Variants in NRXN1 observed in about 807,000 individuals in gnomAD.
NRXN1 encodes the protein neurexin 1.
Under a neutral mutation model 150.9 loss-of-function variants are expected in NRXN1, and 39 were observed. The ratio of observed to expected loss-of-function variants is 0.26; its 90% CI spans 0.20 to 0.34. The LOEUF is 0.34. NRXN1 is among the 10% of genes least tolerant of loss of function. The pLI, the probability that NRXN1 is intolerant of heterozygous loss-of-function variation, is 1.00. For synonymous variants in NRXN1, 924 were observed against 757.0 expected, an observed-to-expected ratio of 1.22 and a Z score of -3.62; for missense variants, 1,815 against 1,949.9, an observed-to-expected ratio of 0.93 and a Z score of 1.30.
chr2:50,764,540 G>T (rs1009042227), intron 5 of NRXN1, among the ~76,000 whole-genome samples: 3 of 151,854 alleles, frequency 2.0e-5, no homozygotes, highest in African/African-American at 4.8e-5. Context: ...ATTTTTACTT[G>T]ATTATCACAC....
At chr2:50,144,032 A>C (rs12713090) in intron 18 of NRXN1, among the ~76,000 whole-genome samples, 131,943 of 151,838 alleles carry the variant, frequency 0.87, 57,613 homozygotes, top group African/African-American at 0.95. Context: ...AAGCTACTGA[A>C]ATAATCTTGG....
chr2:50,336,678 T>C lies in NRXN1; in HGVS notation c.3365-99708A>G, dbSNP rs545322612. On this transcript the variant is annotated intron_variant, in intron 17 of 22. Coordinates refer to ENST00000401669, the MANE Select transcript of NRXN1 (RefSeq NM_001330078.2). ...GATTATCAATTTGGTAGGGAAAGTA[T>C]TTGCCATCTAGAATGAAAGTAGTTA... Among the ~76,000 whole-genome samples the C allele has an allele frequency of 2.6e-5, 4 of 152,314 alleles. No homozygotes were observed. In the South Asian group the frequency reaches 8.3e-4, roughly 32 times the overall value.
intron 17 of NRXN1, among the ~76,000 whole-genome samples, chr2:50,279,604 A>T (rs1202234707): frequency 6.6e-6 from 1 of 152,178 alleles, no homozygotes. Flanking sequence ...TAACATATCA[A>T]ACAACTCTGA....
chr2:50,716,402 A>G (rs947468428), intron 5 of NRXN1, among the ~76,000 whole-genome samples: 1 of 152,186 alleles, frequency 6.6e-6, no homozygotes, highest in African/African-American at 2.4e-5. Context: ...CTAAATTAAA[A>G]CATGAGTCAT....
At chr2:50,776,324 G>C (rs2105481477) in intron 5 of NRXN1, among the ~76,000 whole-genome samples, 1 of 152,104 alleles carries the variant, frequency 6.6e-6, no homozygotes, top group East Asian at 1.9e-4. Flanking sequence ...TAATTGACAT[G>C]TTATCATTTA....
At chr2:50,101,265 C>T (rs186133472) in intron 18 of NRXN1, among the ~76,000 whole-genome samples, 1 of 151,996 alleles carries the variant, frequency 6.6e-6, no homozygotes, top group Non-Finnish European at 1.5e-5. Context: ...CTGCATCTGC[C>T]TGAATCCTTG....
chr2:50,907,016 A>G (rs2104025251), intron 5 of NRXN1, among the ~76,000 whole-genome samples: 1 of 152,110 alleles, frequency 6.6e-6, no homozygotes, highest in Non-Finnish European at 1.5e-5. Context: ...CATAGCAACC[A>G]GAATTGCATT....
intron 18 of NRXN1, among the ~76,000 whole-genome samples, chr2:50,190,702 T>G (rs948329399): frequency 6.8e-6 from 1 of 147,708 alleles, no homozygotes; most frequent in African/African-American, 2.5e-5. Flanking sequence ...AACCTCCACC[T>G]CCCAAGTTCA....
At chr2:50,899,586 A>G (rs1373419711) in intron 5 of NRXN1, among the ~76,000 whole-genome samples, 1 of 152,180 alleles carries the variant, frequency 6.6e-6, no homozygotes, top group Non-Finnish European at 1.5e-5. Flanking sequence ...AAAAAATTTA[A>G]AAAAGGGGGT....
At chr2:50,510,697 A>C (rs1280942914) in intron 12 of NRXN1, among the ~76,000 whole-genome samples, 1 of 152,142 alleles carries the variant, frequency 6.6e-6, no homozygotes, top group Non-Finnish European at 1.5e-5. Context: ...GCAGATTTAA[A>C]AGTGTTGAGC....
intron 5 of NRXN1, among the ~76,000 whole-genome samples, chr2:50,660,058 C>T (rs1687070256): frequency 6.6e-6 from 1 of 151,958 alleles, no homozygotes; most frequent in South Asian, 2.1e-4. Flanking sequence ...GGGCACTAAA[C>T]AAATACATCA....
chr2:50,914,737 G>C (rs1483131207), intron 5 of NRXN1, among the ~76,000 whole-genome samples: 1 of 151,340 alleles, frequency 6.6e-6, no homozygotes, highest in Non-Finnish European at 1.5e-5. Flanking sequence ...GATTTACCTT[G>C]GAGCAAAAAG....
At chr2:50,950,762 A>G (rs1691193520) in intron 2 of NRXN1, among the ~76,000 whole-genome samples, 1 of 152,240 alleles carries the variant, frequency 6.6e-6, no homozygotes, top group African/African-American at 2.4e-5. Flanking sequence ...TGTGAGTGTA[A>G]GCGCTAGGGT....
intron 5 of NRXN1, among the ~76,000 whole-genome samples, chr2:50,852,669 T>C (rs564165555): frequency 6.6e-6 from 1 of 152,304 alleles, no homozygotes; most frequent in South Asian, 2.1e-4. Context: ...CATTCATATA[T>C]ACACACTACC....
intron 21 of NRXN1, among the ~76,000 whole-genome samples, chr2:50,047,890 C>G (rs1412698589): frequency 6.6e-6 from 1 of 152,092 alleles, no homozygotes; most frequent in East Asian, 1.9e-4. Context: ...AAGTGCTCAT[C>G]AAACTTGGTT....
chr2:50,598,212 T>C (rs1167373637), intron 8 of NRXN1, among the ~76,000 whole-genome samples: 1 of 151,246 alleles, frequency 6.6e-6, no homozygotes, highest in African/African-American at 2.4e-5. Flanking sequence ...AATGAATGAG[T>C]CCAAATCAAA....
At chr2:50,788,199 G>A (rs1423580298) in intron 5 of NRXN1, among the ~76,000 whole-genome samples, 6 of 151,474 alleles carry the variant, frequency 4.0e-5, no homozygotes, top group African/African-American at 1.5e-4. Flanking sequence ...CCATTCTCCT[G>A]CTTCTGCCTC....
At chr2:50,596,591 C>A (rs767924213) in intron 8 of NRXN1, among the ~76,000 whole-genome samples, 2 of 152,190 alleles carry the variant, frequency 1.3e-5, no homozygotes, top group Non-Finnish European at 2.9e-5. Context: ...GACAGTGATA[C>A]TGTGTAGTTC....
At chr2:51,009,859 C>CT (rs1667581387) in intron 2 of NRXN1, among the ~76,000 whole-genome samples, 1 of 151,810 alleles carries the variant, frequency 6.6e-6, no homozygotes, top group African/African-American at 2.4e-5. Flanking sequence ...GACCCTGCAT[C>CT]TTGTTAGGAT....
Sources: allele counts gnomAD v4.1 joint callset (sites outside exome capture counted in the v4.1 genomes callset), GRCh38; gene constraint gnomAD v4.1.1; transcripts MANE v1.5; gene names NCBI Gene and HGNC (gene_info 2026-07-23, HGNC 2026-07-21).